GALNTL6: variants seen among roughly 807,000 people sequenced by gnomAD.
The protein encoded by GALNTL6 is polypeptide N-acetylgalactosaminyltransferase like 6.
A neutral mutation model predicts 73.7 loss-of-function variants in GALNTL6; 46 were observed. The ratio of observed to expected loss-of-function variants is 0.62; its 90% CI spans 0.49 to 0.80. The LOEUF (loss-of-function observed/expected upper bound fraction) is 0.80, where lower values mean the gene tolerates loss of function less well. Ranked by LOEUF, GALNTL6 falls within the 30% of genes least tolerant of loss-of-function variation. GALNTL6 has a pLI of 0.00. For synonymous variants in GALNTL6, 259 were observed against 263.7 expected (o/e 0.98, Z 0.17); for missense variants, 604 against 755.0 (o/e 0.80, Z 2.34).
intron 2 of GALNTL6, among the ~76,000 whole-genome samples, chr4:171,932,647 CTT>C (rs1738222676): frequency 6.6e-6 from 1 of 152,204 alleles, no homozygotes; most frequent in South Asian, 2.1e-4. Flanking sequence ...TACCTATTTC[CTT>C]TTTGTATGTT....
At chr4:171,824,075 TTTTATATATA>T (rs1279300762) in intron 2 of GALNTL6, among the ~76,000 whole-genome samples, 5 of 37,724 alleles carry the variant, frequency 1.3e-4, no homozygotes, top group Admixed American at 4.5e-4. Flanking sequence ...CACAAATCCA[TTTTATATATA>T]TATATATATA....
At chr4:172,794,003 A>C (rs990595694) in intron 5 of GALNTL6, among the ~76,000 whole-genome samples, 3 of 152,194 alleles carry the variant, frequency 2.0e-5, no homozygotes, top group Non-Finnish European at 4.4e-5. Context: ...AATGACTTCT[A>C]TTCCTTCTGC....
At chr4:171,832,759 T>C (rs1735012481) in intron 2 of GALNTL6, among the ~76,000 whole-genome samples, 2 of 151,686 alleles carry the variant, frequency 1.3e-5, no homozygotes, top group South Asian at 4.1e-4. Context: ...TTTTTATTAA[T>C]TATGAGCCCA....
chr4:171,947,306 T>C (rs1222599979), intron 2 of GALNTL6, among the ~76,000 whole-genome samples: 1 of 152,084 alleles, frequency 6.6e-6, no homozygotes, highest in Non-Finnish European at 1.5e-5. Context: ...TACTTGCACC[T>C]GGCAGGGTTG....
chr4:172,839,993 C>T (rs1743117728), intron 7 of GALNTL6, among the ~76,000 whole-genome samples: 1 of 152,190 alleles, frequency 6.6e-6, no homozygotes. Flanking sequence ...GAGGTATGAT[C>T]TTAACTCAAG....
intron 5 of GALNTL6, among the ~76,000 whole-genome samples, chr4:172,664,631 C>T (rs1199097280): frequency 2.6e-5 from 4 of 152,160 alleles, no homozygotes; most frequent in Non-Finnish European, 5.9e-5. Flanking sequence ...GACAGTCATA[C>T]CTAGAATTCA....
chr4:172,779,110 A>G (rs1306604724), intron 5 of GALNTL6, among the ~76,000 whole-genome samples: 2 of 152,204 alleles, frequency 1.3e-5, no homozygotes, highest in African/African-American at 4.8e-5. Context: ...ACTGCTGTAT[A>G]TACCCAGAGC....
At chr4:171,922,267 C>T (rs1017999032) in intron 2 of GALNTL6, among the ~76,000 whole-genome samples, 2 of 152,086 alleles carry the variant, frequency 1.3e-5, no homozygotes, top group Admixed American at 6.6e-5. Flanking sequence ...CTTTCCCTTA[C>T]TGATAACATA....
chr4:172,586,512 A>C (rs1737416344), intron 5 of GALNTL6, among the ~76,000 whole-genome samples: 1 of 151,606 alleles, frequency 6.6e-6, no homozygotes, highest in Admixed American at 6.6e-5. Context: ...AGATGAAAGC[A>C]TTACGGCATT....
chr4:172,514,527 G>T (rs1734533952), intron 5 of GALNTL6, among the ~76,000 whole-genome samples: 1 of 152,222 alleles, frequency 6.6e-6, no homozygotes, highest in South Asian at 2.1e-4. Flanking sequence ...AATCAAGCAG[G>T]GCTTTCAGCT....
At chr4:172,752,837 C>G (rs984193502) in intron 5 of GALNTL6, among the ~76,000 whole-genome samples, 45 of 152,018 alleles carry the variant, frequency 3.0e-4, no homozygotes, top group African/African-American at 1.0e-3. Context: ...AATCTCCTAG[C>G]CCACAAATGA....
chr4:172,932,812 T>C (rs1428686923), intron 9 of GALNTL6, among the ~76,000 whole-genome samples: 3 of 152,250 alleles, frequency 2.0e-5, no homozygotes, highest in South Asian at 2.1e-4. Context: ...GAATTTTCTA[T>C]TTGTGGCATC....
chr4:172,881,006 C>T (rs939388277), intron 7 of GALNTL6, among the ~76,000 whole-genome samples: 12 of 152,106 alleles, frequency 7.9e-5, no homozygotes, highest in Admixed American at 5.2e-4. Flanking sequence ...ATTCATTGTG[C>T]ACAGTGTAAG....
intron 4 of GALNTL6, among the ~76,000 whole-genome samples, chr4:172,321,304 A>C (rs1404618383): frequency 6.6e-6 from 1 of 152,178 alleles, no homozygotes; most frequent in Non-Finnish European, 1.5e-5. Flanking sequence ...AGCAAATAAC[A>C]ATAACAAGTC....
At chr4:172,705,352 T>G (rs13121593) in intron 5 of GALNTL6, among the ~76,000 whole-genome samples, 57,823 of 151,056 alleles carry the variant, frequency 0.38, 12,115 homozygotes, top group African/African-American at 0.54. Flanking sequence ...TATTATAGGT[T>G]TTTGCTGCAT....
At chr4:171,869,041 C>T (rs1367833635) in intron 2 of GALNTL6, among the ~76,000 whole-genome samples, 3 of 152,180 alleles carry the variant, frequency 2.0e-5, no homozygotes, top group Non-Finnish European at 4.4e-5. Flanking sequence ...AGCTTAACAA[C>T]TTCATGTAAA....
chr4:172,975,447 G>A (rs1245924432), intron 10 of GALNTL6, among the ~76,000 whole-genome samples: 5 of 152,192 alleles, frequency 3.3e-5, no homozygotes, highest in Admixed American at 6.5e-5. Flanking sequence ...CAGAAGAAGT[G>A]CATGCTGATT....
intron 2 of GALNTL6, among the ~76,000 whole-genome samples, chr4:172,158,960 G>A (rs1734369081): frequency 6.6e-6 from 1 of 152,164 alleles, no homozygotes; most frequent in Non-Finnish European, 1.5e-5. Context: ...AACTATTCAA[G>A]TAGTTGTTTT....
intron 2 of GALNTL6, among the ~76,000 whole-genome samples, chr4:171,967,401 C>T (rs1267596266): frequency 6.8e-6 from 1 of 146,764 alleles, no homozygotes; most frequent in African/African-American, 2.5e-5. Flanking sequence ...TTAACATCAA[C>T]AATAACAAGT....
Sources: allele counts gnomAD v4.1 joint callset (sites outside exome capture counted in the v4.1 genomes callset), GRCh38; gene constraint gnomAD v4.1.1; transcripts MANE v1.5; gene names NCBI Gene and HGNC (gene_info 2026-07-23, HGNC 2026-07-21).